Variants in RXRA observed in about 807,000 individuals in gnomAD.
RXRA encodes retinoid X receptor alpha.
In RXRA, 5 loss-of-function variants were observed where a neutral mutation model predicts 44.5. That is an observed-to-expected ratio of 0.11 (90% CI 0.06 to 0.24). The LOEUF (loss-of-function observed/expected upper bound fraction) is 0.24. Ranked by LOEUF, RXRA falls within the 10% of genes least tolerant of loss-of-function variation. RXRA has a pLI of 1.00. For missense variants in RXRA, 412 were observed against 646.5 expected (o/e 0.64, Z 3.93); for synonymous variants, 291 against 271.4 (o/e 1.07, Z -0.71).
At chr9:134,344,828 C>T (rs944014655) in intron 1 of RXRA, among the ~76,000 whole-genome samples, 2 of 152,196 alleles carry the variant, frequency 1.3e-5, no homozygotes, top group Non-Finnish European at 2.9e-5. Flanking sequence ...TAGGTTCCCT[C>T]GACGCTCTAT....
rs1013392712 is a variant in RXRA, at chr9:134,433,486, G to A, written c.1136-616G>A. ...CGTTGCCAAGGAGCCCAGGACACAG[G>A]CCAAGGTGGCATTCACAGGGGGTCC... On this transcript the variant is annotated intron_variant, in intron 8 of 9. Transcript: ENST00000481739. The surrounding 1 kb of genome is among the most constrained non-coding windows in gnomAD (Gnocchi z 4.2). 1.3e-5 allele frequency among the ~76,000 whole-genome samples: 2 copies of A among 148,642 alleles called. No individual in the cohort carries two copies. The highest frequency in any genetic ancestry group is 6.6e-5 in the Admixed American group (1 of 15,142).
At chr9:134,393,693 GC>G (rs1241462839) in intron 1 of RXRA, among the ~76,000 whole-genome samples, 1 of 152,212 alleles carries the variant, frequency 6.6e-6, no homozygotes, top group Non-Finnish European at 1.5e-5. Context: ...TAGCCCTCAT[GC>G]CCCAGTTAGT....
chr9:134,356,489 C>CGGG (rs1830285216), intron 1 of RXRA, among the ~76,000 whole-genome samples: 1 of 152,024 alleles, frequency 6.6e-6, no homozygotes, highest in Non-Finnish European at 1.5e-5. Context: ...CCAGGGCTTT[C>CGGG]GGGGTATATA....
At chr9:134,391,629 T>A (rs775443149) in intron 1 of RXRA, among the ~76,000 whole-genome samples, 2 of 152,234 alleles carry the variant, frequency 1.3e-5, no homozygotes, top group Non-Finnish European at 2.9e-5. Flanking sequence ...GAGGCTGCGC[T>A]GCCCAGGAGC....
At position 134,438,228 on chromosome 9, in the gene RXRA, G is replaced by C. The variant is rs1229434427; in HGVS notation, c.*1614G>C. On this transcript the variant is annotated 3_prime_UTR_variant, in exon 10 of 10. Coordinates refer to ENST00000481739, the MANE Select transcript of RXRA (RefSeq NM_002957.6). Reference sequence around the variant, plus strand: ...CGGGGGGGTGGACGCCTTCTCCATAGTCTTTCCCCACCTGGAGCAGGGGCT... The same window carrying C: ...CGGGGGGGTGGACGCCTTCTCCATACTCTTTCCCCACCTGGAGCAGGGGCT... 6.6e-6 allele frequency: 1 copy of C among 152,364 alleles called. No individual in the cohort carries two copies. The allele number at this position is 152,364 out of a possible 1,614,324, so 9.4% of individuals were successfully genotyped here.
At chr9:134,355,006 G>T (rs1554749906) in intron 1 of RXRA, among the ~76,000 whole-genome samples, 1 of 152,216 alleles carries the variant, frequency 6.6e-6, no homozygotes, top group African/African-American at 2.4e-5. Context: ...GCATGAGCAG[G>T]GCCTCTGGTC....
intron 1 of RXRA, among the ~76,000 whole-genome samples, chr9:134,338,958 C>A (rs1161301887): frequency 4.6e-5 from 7 of 152,262 alleles, no homozygotes; most frequent in African/African-American, 1.7e-4. Context: ...GAACAAGGAG[C>A]CGATTGTTGT....
At chr9:134,344,662 G>A (rs1554748516) in intron 1 of RXRA, among the ~76,000 whole-genome samples, 1 of 152,116 alleles carries the variant, frequency 6.6e-6, no homozygotes, top group African/African-American at 2.4e-5. Flanking sequence ...GCCCTCTGTG[G>A]CTCCCCAGGG....
intron 1 of RXRA, among the ~76,000 whole-genome samples, chr9:134,394,603 C>G (rs1830851297): frequency 6.6e-6 from 1 of 152,172 alleles, no homozygotes; most frequent in Admixed American, 6.5e-5. Context: ...AGATCTACCC[C>G]TGCCTTTGGA....
intron 1 of RXRA, among the ~76,000 whole-genome samples, chr9:134,371,773 C>T (rs1030637647): frequency 2.6e-5 from 4 of 152,204 alleles, no homozygotes; most frequent in East Asian, 1.9e-4. Flanking sequence ...TCAACTGAGT[C>T]GGGGCCACAG....
At chr9:134,377,628 T>C (rs966801463) in intron 1 of RXRA, among the ~76,000 whole-genome samples, 6 of 152,190 alleles carry the variant, frequency 3.9e-5, no homozygotes, top group Non-Finnish European at 5.9e-5. Context: ...ACCACTTCTG[T>C]CTCTTGTTGG....
intron 2 of RXRA, chr9:134,402,557 A>C (rs1219794841): frequency 6.6e-6 from 1 of 152,314 alleles, no homozygotes; most frequent in Non-Finnish European, 1.5e-5. Context: ...AGCCTGGCGC[A>C]GTCCAGGTCT....
At chr9:134,351,852 C>A (rs531455330) in intron 1 of RXRA, among the ~76,000 whole-genome samples, 120 of 152,284 alleles carry the variant, frequency 7.9e-4, no homozygotes, top group African/African-American at 2.8e-3. Context: ...ATGGAGGCCA[C>A]GCAGCAGCTG....
intron 1 of RXRA, among the ~76,000 whole-genome samples, chr9:134,387,118 T>G (rs1830731764): frequency 6.6e-6 from 1 of 152,210 alleles, no homozygotes; most frequent in African/African-American, 2.4e-5. Context: ...GGGGCAGCCC[T>G]TCTCTGCAGG....
Position 134,426,877 on chromosome 9 carries a change from T to A in RXRA, c.911-2231T>A, listed in dbSNP as rs1325194892. ...TCCCTGCCCTTGGCCACAGGAAGTC[T>A]GTCCACACTGGGCCTGGTGTGGGAA... On this transcript the variant is annotated intron_variant, in intron 6 of 9. Coordinates refer to ENST00000481739, the MANE Select transcript of RXRA (RefSeq NM_002957.6). This position sits in a 1 kb window ranked among gnomAD's most constrained non-coding sequence, Gnocchi z 4.6. 1.0e-6 allele frequency: 1 copy of A among 985,274 alleles called. No individual in the cohort carries two copies. The highest frequency in any genetic ancestry group is 1.2e-6 in the Non-Finnish European group (1 of 829,920). The allele number at this position is 985,274 out of a possible 1,614,324, so 61.0% of individuals were successfully genotyped here. A position where few individuals can be genotyped will look rare whatever the true frequency, so the allele number is the denominator to read the frequency against.
At chr9:134,348,075 G>A (rs1830176490) in intron 1 of RXRA, among the ~76,000 whole-genome samples, 1 of 152,202 alleles carries the variant, frequency 6.6e-6, no homozygotes, top group Non-Finnish European at 1.5e-5. Flanking sequence ...CGGGAGAGAG[G>A]GCTTGGGGTG....
chr9:134,341,871 ACTGGCAGCGTCACTGC>A (rs1436843224), intron 1 of RXRA, among the ~76,000 whole-genome samples: 1 of 151,952 alleles, frequency 6.6e-6, no homozygotes, highest in African/African-American at 2.4e-5. Context: ...TGGGTGCGTG[ACTGGCAGCGTCACTGC>A]CTGGGGCCTG....
chr9:134,401,345 G>T (rs1034259129), intron 1 of RXRA: 14 of 469,626 alleles, frequency 3.0e-5, no homozygotes, highest in Middle Eastern at 1.2e-3. Flanking sequence ...AGCGACCCAG[G>T]CGGGCATCCT....
chr9:134,423,050 G>GT (rs955343249), intron 6 of RXRA: 2 of 985,484 alleles, frequency 2.0e-6, no homozygotes, highest in Admixed American at 6.1e-5. Flanking sequence ...CAGCTTTGGG[G>GT]TTTTGGGGTC....
Sources: allele counts gnomAD v4.1 joint callset (sites outside exome capture counted in the v4.1 genomes callset), GRCh38; gene constraint gnomAD v4.1.1; non-coding constraint Gnocchi (gnomAD v3.1); transcripts MANE v1.5; gene names NCBI Gene and HGNC (gene_info 2026-07-23, HGNC 2026-07-21).